The following KIAA0825 variants were observed in gnomAD, a reference collection of about 807,000 sequenced individuals.
KIAA0825 encodes the protein uncharacterized protein KIAA0825.
Under a neutral mutation model 147.6 loss-of-function variants are expected in KIAA0825, and 119 were observed. The observed-to-expected ratio is 0.81, with a 90% confidence interval of 0.69 to 0.94. KIAA0825 has a LOEUF of 0.94. Among genes scored for constraint, KIAA0825 ranks in the 40% least tolerant of loss-of-function variants. KIAA0825 has a pLI of 0.00. For synonymous variants in KIAA0825, 470 were observed against 518.1 expected, an observed-to-expected ratio of 0.91 and a Z score of 1.26; for missense variants, 1,381 against 1,472.7, an observed-to-expected ratio of 0.94 and a Z score of 1.02.
At chr5:94,206,472 A>C (rs1191529606) in intron 20 of KIAA0825, among the ~76,000 whole-genome samples, 1 of 152,070 alleles carries the variant, frequency 6.6e-6, no homozygotes, top group Non-Finnish European at 1.5e-5. Context: ...TTTTATGCAT[A>C]GGTCAAAGTT....
chr5:94,341,523 G>T (rs529033124), intron 20 of KIAA0825, among the ~76,000 whole-genome samples: 1 of 152,322 alleles, frequency 6.6e-6, no homozygotes, highest in South Asian at 2.1e-4. Context: ...AGGGTTCGAG[G>T]TAGGATGGAG....
intron 20 of KIAA0825, among the ~76,000 whole-genome samples, chr5:94,356,725 C>CTTTCTTTTTTTTT (rs1784311351): frequency 2.6e-5 from 3 of 116,738 alleles, no homozygotes; most frequent in Non-Finnish European, 3.4e-5. Flanking sequence ...AACTTGATTT[C>CTTTCTTTTTTTTT]TTTTTTTTTT....
At chr5:94,605,319 T>G (rs1437165273) in intron 1 of KIAA0825, among the ~76,000 whole-genome samples, 1 of 152,078 alleles carries the variant, frequency 6.6e-6, no homozygotes, top group Non-Finnish European at 1.5e-5. Context: ...GATTCACAGG[T>G]GTATTCTACC....
intron 3 of KIAA0825, among the ~76,000 whole-genome samples, chr5:94,532,877 C>T (rs1771112594): frequency 6.6e-6 from 1 of 150,864 alleles, no homozygotes; most frequent in Admixed American, 6.6e-5. Context: ...AAACTTACTT[C>T]CTAAGCTACA....
chr5:94,573,420 GC>G (rs1780358502), intron 2 of KIAA0825, among the ~76,000 whole-genome samples: 1 of 151,988 alleles, frequency 6.6e-6, no homozygotes, highest in Admixed American at 6.6e-5. Flanking sequence ...ACAGGCATGT[GC>G]CACCATGCCC....
intron 10 of KIAA0825, among the ~76,000 whole-genome samples, chr5:94,466,604 G>T (rs1342273360): frequency 6.6e-6 from 1 of 151,834 alleles, no homozygotes; most frequent in Non-Finnish European, 1.5e-5. Context: ...GGGCGTGGTG[G>T]CAGGCGCCTG....
chr5:94,307,129 C>T (rs928985075), intron 20 of KIAA0825, among the ~76,000 whole-genome samples: 1 of 151,670 alleles, frequency 6.6e-6, no homozygotes, highest in African/African-American at 2.4e-5. Flanking sequence ...CTCTACATTC[C>T]CTTATTTACC....
At chr5:94,475,315 A>C (rs1446815578) in intron 7 of KIAA0825, among the ~76,000 whole-genome samples, 1 of 152,152 alleles carries the variant, frequency 6.6e-6, no homozygotes, top group African/African-American at 2.4e-5. Context: ...TACTAAAGTC[A>C]TTCATTTATT....
chr5:94,439,073 A>G (rs1248610250), intron 14 of KIAA0825, among the ~76,000 whole-genome samples: 1 of 152,126 alleles, frequency 6.6e-6, no homozygotes, highest in Admixed American at 6.6e-5. Flanking sequence ...TGGAGTGAAC[A>G]CATGCTTGGG....
At chr5:94,525,481 T>C (rs970720978) in intron 3 of KIAA0825, among the ~76,000 whole-genome samples, 1 of 151,962 alleles carries the variant, frequency 6.6e-6, no homozygotes, top group Admixed American at 6.6e-5. Flanking sequence ...ATACCTCCTC[T>C]GGCCACAGGC....
Position 94,343,637 on chromosome 5 carries a change from C to A in KIAA0825, c.3710+40731G>T, listed in dbSNP as rs527344054. 4.6e-5 allele frequency among the ~76,000 whole-genome samples: 7 copies of A among 152,184 alleles called. No individual in the cohort carries two copies. The East Asian group carries it at 1.4e-3, about 29-fold the overall frequency. On this transcript the variant is annotated intron_variant, in intron 20 of 20. Transcript: ENST00000682413. ...CCGGGAAGCAGAGCTTGCAGTGAGC[C>A]GAGATGGTGCCACTGCACTCTAGCC...
At chr5:94,371,318 C>T (rs1184255599) in intron 20 of KIAA0825, among the ~76,000 whole-genome samples, 1 of 152,070 alleles carries the variant, frequency 6.6e-6, no homozygotes, top group Non-Finnish European at 1.5e-5. Context: ...TAATTTAATA[C>T]ACATCACATC....
intron 20 of KIAA0825, among the ~76,000 whole-genome samples, chr5:94,284,631 C>A (rs749823944): frequency 9.2e-5 from 14 of 152,092 alleles, no homozygotes; most frequent in Non-Finnish European, 1.6e-4. Flanking sequence ...GGAATTGATA[C>A]AAGTTTCAAG....
chr5:94,490,214 A>G (rs973302033), intron 5 of KIAA0825, among the ~76,000 whole-genome samples: 4 of 152,222 alleles, frequency 2.6e-5, no homozygotes, highest in African/African-American at 7.2e-5. Context: ...AGAACTCAGC[A>G]TAATCTCATA....
intron 14 of KIAA0825, among the ~76,000 whole-genome samples, chr5:94,428,143 TTGTGTGTGTGTG>T (rs61572627): frequency 0.049 from 6,611 of 134,570 alleles, 174 homozygotes; most frequent in South Asian, 0.1. Flanking sequence ...TAAGGTCTTG[TTGTGTGTGTGTG>T]TGTGTGTGTG....
chr5:94,489,535 C>T (rs1199213443), intron 5 of KIAA0825, among the ~76,000 whole-genome samples: 5 of 148,400 alleles, frequency 3.4e-5, no homozygotes, highest in African/African-American at 1.2e-4. Flanking sequence ...CAGAAGTCAA[C>T]CAAAAAGTTG....
At chr5:94,459,347 T>C (rs1328201638) in intron 12 of KIAA0825, among the ~76,000 whole-genome samples, 2 of 152,154 alleles carry the variant, frequency 1.3e-5, no homozygotes, top group Admixed American at 1.3e-4. Flanking sequence ...GTATTTTCAT[T>C]GCTGGGCCAT....
intron 13 of KIAA0825, among the ~76,000 whole-genome samples, chr5:94,448,620 C>T (rs145117349): frequency 1.2e-3 from 183 of 152,246 alleles, no homozygotes; most frequent in African/African-American, 4.4e-3. Flanking sequence ...CCTCTCCTCT[C>T]GGCCTTCCCT....
chr5:94,544,873 A>G (rs563534957), intron 2 of KIAA0825, among the ~76,000 whole-genome samples: 9 of 152,150 alleles, frequency 5.9e-5, no homozygotes, highest in Non-Finnish European at 8.8e-5. Flanking sequence ...AGTACACACA[A>G]AAAGCAGTGT....
Sources: allele counts gnomAD v4.1 joint callset (sites outside exome capture counted in the v4.1 genomes callset), GRCh38; gene constraint gnomAD v4.1.1; transcripts MANE v1.5; gene names NCBI Gene and HGNC (gene_info 2026-07-23, HGNC 2026-07-21).